SNTG1: variants seen among roughly 807,000 people sequenced by gnomAD.
SNTG1 encodes syntrophin gamma 1, also known as gamma-1-syntrophin.
SNTG1 carries 39 observed loss-of-function variants against 74.7 expected under a neutral mutation model. The ratio of observed to expected loss-of-function variants is 0.52; its 90% confidence interval spans 0.40 to 0.68. SNTG1 has a LOEUF of 0.68. Among genes scored for constraint, SNTG1 ranks in the 30% least tolerant of loss-of-function variants. SNTG1 has a pLI of 0.00. For synonymous variants in SNTG1, 254 were observed against 217.1 expected (o/e 1.17, Z -1.49); for missense variants, 685 against 609.5 (o/e 1.12, Z -1.30).
chr8:50,265,257 C>G (rs1036385403), intron 2 of SNTG1, among the ~76,000 whole-genome samples: 1 of 151,960 alleles, frequency 6.6e-6, no homozygotes, highest in Admixed American at 6.5e-5. Flanking sequence ...TCAATCCCAG[C>G]AACACATAGC....
intron 1 of SNTG1, among the ~76,000 whole-genome samples, chr8:49,920,249 G>A (rs1327497234): frequency 2.6e-5 from 4 of 152,066 alleles, no homozygotes; most frequent in Non-Finnish European, 4.4e-5. Flanking sequence ...GTTTCCGTTC[G>A]TAATACTATT....
At chr8:50,466,679 A>C (rs140924959) in intron 8 of SNTG1, among the ~76,000 whole-genome samples, 92 of 152,110 alleles carry the variant, frequency 6.0e-4, no homozygotes, top group African/African-American at 2.0e-3. Flanking sequence ...TGGAACGTCT[A>C]TTAATTTAGA....
intron 12 of SNTG1, among the ~76,000 whole-genome samples, chr8:50,560,904 TA>T (rs1563577329): frequency 6.6e-6 from 1 of 152,074 alleles, no homozygotes; most frequent in African/African-American, 2.4e-5. Context: ...GGAAAACAAA[TA>T]AATAAATAAA....
In SNTG1 at chr8:50,749,766, C is replaced by T. The variant is rs146215598; in HGVS notation, c.1285-2235C>T. Among the ~76,000 whole-genome samples the T allele has an allele frequency of 1.9e-3, 296 of 152,114 alleles. 2 individuals carry two copies. The highest frequency in any genetic ancestry group is 7.0e-3 in the African/African-American group (289 of 41,544). ...TGGTTTACTGAATATGTTAAGTCCA[C>T]TATTGACACCCACTGCTTCGAAAAA... On this transcript the variant is annotated intron_variant, in intron 17 of 18. Transcript: ENST00000642720.
intron 1 of SNTG1, among the ~76,000 whole-genome samples, chr8:49,916,364 G>A (rs1051551327): frequency 1.3e-5 from 2 of 152,082 alleles, no homozygotes; most frequent in South Asian, 2.1e-4. Context: ...GAAAGAGTCA[G>A]AAAATCATTT....
At chr8:50,478,760 G>A (rs922068262) in intron 8 of SNTG1, among the ~76,000 whole-genome samples, 2 of 152,106 alleles carry the variant, frequency 1.3e-5, no homozygotes, top group African/African-American at 4.8e-5. Flanking sequence ...CTTGAAATGA[G>A]AAAGCAAATG....
intron 13 of SNTG1, among the ~76,000 whole-genome samples, chr8:50,654,013 TTTGC>T (rs1490673872): frequency 6.6e-6 from 1 of 152,198 alleles, no homozygotes; most frequent in East Asian, 1.9e-4. Context: ...TACTATGCTC[TTTGC>T]TGTCTTTGGT....
At chr8:50,468,047 T>G (rs2093623341) in intron 8 of SNTG1, among the ~76,000 whole-genome samples, 1 of 151,856 alleles carries the variant, frequency 6.6e-6, no homozygotes, top group African/African-American at 2.4e-5. Context: ...ATTTGTTTTC[T>G]GGCATAGAAT....
At chr8:50,767,344 G>A (rs756133437) in intron 18 of SNTG1, among the ~76,000 whole-genome samples, 1 of 151,904 alleles carries the variant, frequency 6.6e-6, no homozygotes, top group African/African-American at 2.4e-5. Flanking sequence ...GAAGAAAATC[G>A]TGTGGGTTTA....
Position 50,102,145 on chromosome 8 carries a change from C to A in SNTG1, c.-102-70416C>A, listed in dbSNP as rs1311476185. 6.7e-5 allele frequency among the ~76,000 whole-genome samples: 10 copies of A among 149,258 alleles called. 1 individual carries two copies. Among genetic ancestry groups the A allele is most frequent in the African/African-American group, 2.2e-4 (9 of 40,728 alleles). On this transcript the variant is annotated intron_variant, in intron 1 of 18. Coordinates refer to ENST00000642720, the MANE Select transcript of SNTG1 (RefSeq NM_018967.5). ...TGAGGAATCGCCACACTGACTTCCA[C>A]AATGGTTGAACTAGTTTACAGTCCC...
intron 1 of SNTG1, among the ~76,000 whole-genome samples, chr8:50,066,261 A>T (rs1423478944): frequency 1.3e-5 from 2 of 151,876 alleles, no homozygotes; most frequent in Non-Finnish European, 2.9e-5. Context: ...TAGCTTTTTC[A>T]TTTTCTTGGC....
intron 1 of SNTG1, among the ~76,000 whole-genome samples, chr8:49,932,824 A>G: frequency 6.6e-6 from 1 of 152,104 alleles, no homozygotes; most frequent in East Asian, 1.9e-4. Context: ...TTCCATCCCT[A>G]TGGACTTTCC....
intron 2 of SNTG1, among the ~76,000 whole-genome samples, chr8:50,221,374 G>A (rs1436145287): frequency 1.3e-5 from 2 of 151,864 alleles, no homozygotes; most frequent in Non-Finnish European, 2.9e-5. Flanking sequence ...AAAGGCACAA[G>A]GGAGGGTTCA....
chr8:50,053,623 T>TTGTGTGTGTGTGTGTGTGTGTGTG lies in SNTG1; in HGVS notation c.-102-118926_-102-118903dup, dbSNP rs60947505. ...TATGCATATATATAAATATATATAA[T>TTGTGTGTGTGTGTGTGTGTGTGTG]TGTGTGTGTGTGTGTGTGTGTGTGT... On this transcript the variant is annotated intron_variant, in intron 1 of 18. Coordinates refer to ENST00000642720, the MANE Select transcript of SNTG1 (RefSeq NM_018967.5). Among the ~76,000 whole-genome samples the TTGTGTGTGTGTGTGTGTGTGTGTG allele has an allele frequency of 8.2e-5, 11 of 134,464 alleles. No homozygotes were observed. The East Asian group carries it at 1.4e-3, about 17-fold the overall frequency. The allele number at this position is 134,464 out of a possible 152,430, so 88.2% of individuals were successfully genotyped here. A position where few individuals can be genotyped will look rare whatever the true frequency, so the allele number is the denominator to read the frequency against.
intron 8 of SNTG1, among the ~76,000 whole-genome samples, chr8:50,484,155 TC>T (rs1440661430): frequency 3.7e-3 from 191 of 51,528 alleles, no homozygotes; most frequent in African/African-American, 0.013. Context: ...TTTCTTTCCT[TC>T]CTTCCTTCCT....
intron 9 of SNTG1, among the ~76,000 whole-genome samples, chr8:50,527,666 G>A (rs894303908): frequency 6.6e-6 from 1 of 151,844 alleles, no homozygotes; most frequent in African/African-American, 2.4e-5. Flanking sequence ...CCTAGAAGAG[G>A]TTCTTCAACT....
At chr8:50,372,235 G>A (rs1175543157) in intron 2 of SNTG1, among the ~76,000 whole-genome samples, 1 of 150,428 alleles carries the variant, frequency 6.6e-6, no homozygotes, top group Non-Finnish European at 1.5e-5. Context: ...TGTGTGTGTG[G>A]TGGCATGCTT....
chr8:49,937,260 AG>A (rs1808171525), intron 1 of SNTG1, among the ~76,000 whole-genome samples: 1 of 152,216 alleles, frequency 6.6e-6, no homozygotes, highest in Non-Finnish European at 1.5e-5. Flanking sequence ...ATAAAATTCT[AG>A]AAAATACAAG....
intron 2 of SNTG1, among the ~76,000 whole-genome samples, chr8:50,237,212 T>C (rs1191475681): frequency 6.6e-6 from 1 of 152,172 alleles, no homozygotes; most frequent in Non-Finnish European, 1.5e-5. Context: ...CAGTCAGGAT[T>C]TGTTTGCAAT....
Sources: allele counts gnomAD v4.1 joint callset (sites outside exome capture counted in the v4.1 genomes callset), GRCh38; gene constraint gnomAD v4.1.1; transcripts MANE v1.5; gene names NCBI Gene and HGNC (gene_info 2026-07-23, HGNC 2026-07-21).